The following TMEM132D variants were observed in gnomAD, a reference collection of about 807,000 sequenced individuals.
The protein encoded by TMEM132D is mature OL transmembrane protein.
TMEM132D carries 21 observed loss-of-function variants against 62.3 expected under a neutral mutation model. The observed-to-expected ratio is 0.34, with a 90% CI of 0.24 to 0.49. TMEM132D has a LOEUF of 0.49. Ranked by LOEUF, TMEM132D falls within the 20% of genes least tolerant of loss-of-function variation. The pLI is 0.99. For missense variants in TMEM132D, 1,346 were observed against 1,402.8 expected, an observed-to-expected ratio of 0.96 and a Z score of 0.65; for synonymous variants, 621 against 575.6, an observed-to-expected ratio of 1.08 and a Z score of -1.13.
intron 5 of TMEM132D, among the ~76,000 whole-genome samples, chr12:129,161,551 G>T (rs1339621257): frequency 6.6e-6 from 1 of 152,194 alleles, no homozygotes; most frequent in Non-Finnish European, 1.5e-5. Context: ...AGCTATTAAA[G>T]TAATTTCCTA....
chr12:129,473,097 T>C (rs1437066409), intron 3 of TMEM132D, among the ~76,000 whole-genome samples: 1 of 151,966 alleles, frequency 6.6e-6, no homozygotes, highest in East Asian at 1.9e-4. Context: ...ACTCCTGACC[T>C]CGTGATCCAC....
At chr12:129,855,092 TATAACA>T in intron 1 of TMEM132D, 2 of 135,864 alleles carry the variant, frequency 1.5e-5, no homozygotes, top group African/African-American at 5.5e-5. Flanking sequence ...TGGGTGCCCT[TATAACA>T]GAGTCCGGGG....
chr12:129,708,590 A>G (rs666615), intron 1 of TMEM132D, among the ~76,000 whole-genome samples: 2 of 112,776 alleles, frequency 1.8e-5, no homozygotes, highest in African/African-American at 7.2e-5. Flanking sequence ...CCAAGTGTCC[A>G]CTCCAAGTAG....
At chr12:129,088,071 G>A (rs1341219135) in intron 5 of TMEM132D, among the ~76,000 whole-genome samples, 1 of 55,198 alleles carries the variant, frequency 1.8e-5, no homozygotes, top group African/African-American at 1.2e-4. Context: ...TGACCGGGGT[G>A]TCCTCCCTGA....
chr12:129,135,908 C>T (rs900092538), intron 5 of TMEM132D, among the ~76,000 whole-genome samples: 4 of 152,122 alleles, frequency 2.6e-5, no homozygotes, highest in African/African-American at 9.7e-5. Flanking sequence ...AAGACACTAG[C>T]CATATTGGAT....
At chr12:129,722,742 CTTT>C (rs67984947) in intron 1 of TMEM132D, among the ~76,000 whole-genome samples, 993 of 81,920 alleles carry the variant, frequency 0.012, 7 homozygotes, top group South Asian at 0.029. Context: ...TTCTTTTTTT[CTTT>C]TTTTTTTTTT....
At chr12:129,773,754 G>T (rs2137284904) in intron 1 of TMEM132D, among the ~76,000 whole-genome samples, 1 of 152,290 alleles carries the variant, frequency 6.6e-6, no homozygotes, top group Non-Finnish European at 1.5e-5. Flanking sequence ...TATTCACCAG[G>T]ACATTCTTGG....
At chr12:129,636,735 T>TGAGAGAGAGA (rs1345382936) in intron 2 of TMEM132D, among the ~76,000 whole-genome samples, 3 of 91,360 alleles carry the variant, frequency 3.3e-5, no homozygotes, top group African/African-American at 1.2e-4. Flanking sequence ...TGTGTGTGTG[T>TGAGAGAGAGA]GTGAGAGAGA....
At chr12:129,206,268 A>C (rs1271549412) in intron 5 of TMEM132D, among the ~76,000 whole-genome samples, 1 of 152,220 alleles carries the variant, frequency 6.6e-6, no homozygotes, top group Non-Finnish European at 1.5e-5. Context: ...AGCAAAAACC[A>C]ACCCCACTGA....
At chr12:129,091,167 C>T (rs1358168591) in intron 5 of TMEM132D, among the ~76,000 whole-genome samples, 1 of 152,172 alleles carries the variant, frequency 6.6e-6, no homozygotes, top group Non-Finnish European at 1.5e-5. Context: ...CTTATGCTCA[C>T]CTGGGCTCTG....
chr12:129,800,025 T>C (rs1268010923), intron 1 of TMEM132D, among the ~76,000 whole-genome samples: 1 of 152,162 alleles, frequency 6.6e-6, no homozygotes, highest in Non-Finnish European at 1.5e-5. Flanking sequence ...TTATGAGCTT[T>C]AGAGCTGAAA....
chr12:129,658,788 C>A (rs1880162600), intron 2 of TMEM132D, among the ~76,000 whole-genome samples: 1 of 152,150 alleles, frequency 6.6e-6, no homozygotes, highest in South Asian at 2.1e-4. Flanking sequence ...TCTGAGCCCA[C>A]CAAGCTGTGA....
chr12:129,572,953 T>C lies in TMEM132D; in HGVS notation c.969-41748A>G, dbSNP rs182349651. Reference sequence around the variant, plus strand: ...GCGACTTCTATACTTCATTGAGAACTGTTGTTTCAGTGAATGGATGCAATG... The same window carrying C: ...GCGACTTCTATACTTCATTGAGAACCGTTGTTTCAGTGAATGGATGCAATG... On this transcript the variant is annotated intron_variant, in intron 2 of 8. Coordinates refer to ENST00000422113, the MANE Select transcript of TMEM132D (RefSeq NM_133448.3). Among the ~76,000 whole-genome samples, 13 of 152,332 alleles carry C rather than the reference T, an allele frequency of 8.5e-5. No individual in the cohort carries two copies. In the East Asian group the frequency reaches 2.5e-3, roughly 29 times the overall value.
chr12:129,396,587 G>A (rs2135697620), intron 3 of TMEM132D, among the ~76,000 whole-genome samples: 1 of 152,306 alleles, frequency 6.6e-6, no homozygotes, highest in South Asian at 2.1e-4. Flanking sequence ...GAGACCCGCA[G>A]GATGCAGGGA....
chr12:129,447,424 C>A (rs56389653), intron 3 of TMEM132D, among the ~76,000 whole-genome samples: 14,896 of 152,114 alleles, frequency 0.098, 1,165 homozygotes, highest in East Asian at 0.38. Flanking sequence ...TAGAAGGGAG[C>A]CCTAAACACA....
intron 5 of TMEM132D, chr12:129,085,513 CT>C (rs1030251823): frequency 6.6e-6 from 1 of 152,310 alleles, no homozygotes; most frequent in Non-Finnish European, 1.5e-5. Flanking sequence ...TGCTCACTCC[CT>C]CATTCTGCCT....
intron 3 of TMEM132D, among the ~76,000 whole-genome samples, chr12:129,485,370 C>A (rs1318002437): frequency 1.3e-5 from 2 of 152,130 alleles, no homozygotes; most frequent in Non-Finnish European, 2.9e-5. Flanking sequence ...TGGATTCCAG[C>A]CACCAGGGAA....
intron 5 of TMEM132D, among the ~76,000 whole-genome samples, chr12:129,099,234 T>A (rs55970488): frequency 5.5e-4 from 84 of 152,324 alleles, no homozygotes; most frequent in African/African-American, 2.0e-3. Flanking sequence ...GAGGGGTATA[T>A]AACTGTCTGT....
At chr12:129,772,729 A>AG (rs1309252976) in intron 1 of TMEM132D, among the ~76,000 whole-genome samples, 1 of 152,236 alleles carries the variant, frequency 6.6e-6, no homozygotes, top group African/African-American at 2.4e-5. Flanking sequence ...GAGCCTCAAA[A>AG]GAGAGCCTCT....
Sources: gnomAD v4.1 joint callset for allele counts (sites outside exome capture counted in the v4.1 genomes callset) on GRCh38, gnomAD v4.1.1 for gene constraint, MANE v1.5 for transcripts, NCBI Gene and HGNC (gene_info 2026-07-23, HGNC 2026-07-21) for gene names.